The following CDK5RAP2 variants were observed in gnomAD, a reference collection of about 807,000 sequenced individuals.
CDK5RAP2 encodes the protein CDK5 regulatory subunit associated protein 2.
CDK5RAP2 carries 147 observed loss-of-function variants against 232.9 expected under a neutral mutation model. The ratio of observed to expected loss-of-function variants is 0.63; its 90% confidence interval spans 0.55 to 0.72. CDK5RAP2 has a LOEUF of 0.72. Among genes scored for constraint, CDK5RAP2 ranks in the 30% least tolerant of loss-of-function variants. CDK5RAP2 has a pLI of 0.00. For missense variants in CDK5RAP2, 2,195 were observed against 2,231.5 expected, an observed-to-expected ratio of 0.98 and a Z score of 0.33; for synonymous variants, 833 against 833.7, an observed-to-expected ratio of 1.00 and a Z score of 0.01.
intron 24 of CDK5RAP2, among the ~76,000 whole-genome samples, chr9:120,438,098 G>A (rs1314967526): frequency 1.3e-5 from 2 of 152,242 alleles, no homozygotes; most frequent in South Asian, 2.1e-4. Context: ...TAAACTGACT[G>A]CAAAGCTAAT....
rs912780527 is a variant in CDK5RAP2 at position 120,402,801 on chromosome 9, G to T, written c.5307+5C>A. 6.2e-6 allele frequency: 10 copies of T among 1,613,862 alleles called. No individual in the cohort carries two copies. Among genetic ancestry groups the T allele is most frequent in the Non-Finnish European group, 8.5e-6 (10 of 1,180,016 alleles). Reference sequence around the variant, plus strand: ...TTGTGCCCCCCAGCTCTGTGGTCAGGTTACCTTTGTTCCCAGCTCTTGACT... The same window carrying T: ...TTGTGCCCCCCAGCTCTGTGGTCAGTTTACCTTTGTTCCCAGCTCTTGACT... On this transcript the variant is annotated splice_donor_5th_base_variant and intron_variant, in intron 34 of 37. Coordinates refer to ENST00000349780, the MANE Select transcript of CDK5RAP2 (RefSeq NM_018249.6).
intron 12 of CDK5RAP2, among the ~76,000 whole-genome samples, chr9:120,515,438 G>C (rs528666370): frequency 5.3e-5 from 8 of 152,242 alleles, no homozygotes; most frequent in African/African-American, 1.7e-4. Flanking sequence ...ATTTTGTCTT[G>C]TATAACATTT....
At chr9:120,549,927 T>A (rs1026608937) in intron 4 of CDK5RAP2, among the ~76,000 whole-genome samples, 1 of 152,214 alleles carries the variant, frequency 6.6e-6, no homozygotes, top group African/African-American at 2.4e-5. Flanking sequence ...ACAATCCCTC[T>A]TCAAGACAAG....
chr9:120,409,145 C>T lies in CDK5RAP2; in HGVS notation c.4586G>A (p.Ser1529Asn). Reference sequence around the variant, plus strand: ...CCACTACCTGCTCAGCTCCTGGCCGCTGCAGCGGACCTCCTGGATCAGCTG... The same window carrying T: ...CCACTACCTGCTCAGCTCCTGGCCGTTGCAGCGGACCTCCTGGATCAGCTG... ...NQQLIQEVRCSGQELSRVQEE... is the reference protein window; with the variant it reads ...NQQLIQEVRCNGQELSRVQEE... The change falls in exon 30 of 38, where the codon AGC (serine) becomes AAC (asparagine). Residue 1529 changes from serine (S) to asparagine (N), a missense_variant. Physicochemically the swap from Ser to Asn is conservative, Grantham distance 46. Transcript: ENST00000349780. 1 of 1,612,292 alleles carries T rather than the reference C, an allele frequency of 6.2e-7. No individual in the cohort carries two copies. The highest frequency in any genetic ancestry group is 8.5e-7 in the Non-Finnish European group (1 of 1,180,012).
In CDK5RAP2 at chr9:120,545,695, A is replaced by C. The variant is rs2041812975; in HGVS notation, c.383+19T>G. 6.2e-7 allele frequency: 1 copy of C among 1,603,790 alleles called. No homozygotes were observed. Among genetic ancestry groups the C allele is most frequent in the Admixed American group, 1.7e-5 (1 of 59,990 alleles). The stretch of plus-strand genomic sequence containing the variant: ...CAGTGTGGGCGACTTGCAAGCTTTC[A>C]ACGGATGATGGTACTCACGAGGCTT... On this transcript the variant is annotated intron_variant, in intron 5 of 37. Transcript: ENST00000349780.
At chr9:120,484,447 T>G (rs112495815) in intron 14 of CDK5RAP2, among the ~76,000 whole-genome samples, 1 of 152,120 alleles carries the variant, frequency 6.6e-6, no homozygotes, top group Non-Finnish European at 1.5e-5. Flanking sequence ...CTCAGCCAGG[T>G]GCAGTGGCTC....
chr9:120,465,082 G>A (rs1346044473), intron 18 of CDK5RAP2, among the ~76,000 whole-genome samples: 4 of 151,942 alleles, frequency 2.6e-5, no homozygotes, highest in South Asian at 2.1e-4. Flanking sequence ...TCCTCTCTAC[G>A]TCAAAAAAAA....
intron 26 of CDK5RAP2, among the ~76,000 whole-genome samples, chr9:120,420,546 C>A (rs2034504668): frequency 6.6e-6 from 1 of 151,916 alleles, no homozygotes; most frequent in Non-Finnish European, 1.5e-5. Flanking sequence ...TTCTAGCAAT[C>A]ATCTGGTTAT....
intron 19 of CDK5RAP2, among the ~76,000 whole-genome samples, chr9:120,459,034 C>G (rs765535020): frequency 6.6e-6 from 1 of 152,218 alleles, no homozygotes; most frequent in Non-Finnish European, 1.5e-5. Context: ...CTTGAAAGTT[C>G]TTCCTAAGAA....
chr9:120,391,856 G>C (rs2032015021), intron 36 of CDK5RAP2, among the ~76,000 whole-genome samples: 1 of 152,170 alleles, frequency 6.6e-6, no homozygotes, highest in Admixed American at 6.5e-5. Context: ...CGCAGGGCTT[G>C]GAGAATTTCC....
At chr9:120,484,163 T>C (rs2038469965) in intron 14 of CDK5RAP2, among the ~76,000 whole-genome samples, 1 of 152,184 alleles carries the variant, frequency 6.6e-6, no homozygotes, top group African/African-American at 2.4e-5. Context: ...GGAGACATGA[T>C]CATAGCCTCA....
intron 25 of CDK5RAP2, among the ~76,000 whole-genome samples, chr9:120,427,040 A>C (rs766879711): frequency 3.3e-5 from 5 of 152,180 alleles, no homozygotes; most frequent in Non-Finnish European, 7.3e-5. Context: ...CCCCTCACCT[A>C]GCTGTAGGAT....
rs557130149 is a variant in CDK5RAP2, at chr9:120,480,923, C to G, written c.1627-3473G>C. On this transcript the variant is annotated intron_variant, in intron 14 of 37. Coordinates refer to ENST00000349780, the MANE Select transcript of CDK5RAP2 (RefSeq NM_018249.6). The stretch of plus-strand genomic sequence containing the variant: ...CACTGGCACAAGGAGTTCCCAAATG[C>G]CTTTTGTACACAACAACAGTATCAT... Among the ~76,000 whole-genome samples the G allele has an allele frequency of 1.4e-3, 211 of 152,270 alleles. 1 individual carries two copies. The highest frequency in any genetic ancestry group is 5.0e-3 in the African/African-American group (207 of 41,564).
At chr9:120,445,679 T>A (rs2036147751) in intron 22 of CDK5RAP2, among the ~76,000 whole-genome samples, 1 of 152,208 alleles carries the variant, frequency 6.6e-6, no homozygotes, top group African/African-American at 2.4e-5. Flanking sequence ...CTTGGATCCC[T>A]CCTACCTCAC....
chr9:120,420,994 A>C (rs1424744915), intron 26 of CDK5RAP2, among the ~76,000 whole-genome samples: 1 of 152,202 alleles, frequency 6.6e-6, no homozygotes, highest in Non-Finnish European at 1.5e-5. Flanking sequence ...TCCATCCCTC[A>C]CTCCAACTCC....
chr9:120,551,727 A>G (rs2042048285), intron 3 of CDK5RAP2, among the ~76,000 whole-genome samples: 2 of 152,230 alleles, frequency 1.3e-5, no homozygotes, highest in Admixed American at 1.3e-4. Flanking sequence ...TACTAAGTAC[A>G]ATAGAATCTT....
At chr9:120,471,960 T>C (rs2131533367) in intron 15 of CDK5RAP2, 82 bp from the exon 16 acceptor site, 2 of 1,560,632 alleles carry the variant, frequency 1.3e-6, no homozygotes, top group Non-Finnish European at 1.8e-6. Context: ...CTTCCTGTGA[T>C]TTTTATGTCA....
At chr9:120,544,307 T>C (rs1469798138) in intron 5 of CDK5RAP2, among the ~76,000 whole-genome samples, 1 of 152,148 alleles carries the variant, frequency 6.6e-6, no homozygotes, top group Non-Finnish European at 1.5e-5. Context: ...ATAGACCAAA[T>C]TCCATTACTG....
At position 120,552,387 on chromosome 9, in the gene CDK5RAP2, C is replaced by T. The variant is rs527571175; in HGVS notation, c.196-1485G>A. On this transcript the variant is annotated intron_variant, in intron 3 of 37. Coordinates refer to ENST00000349780, the MANE Select transcript of CDK5RAP2 (RefSeq NM_018249.6). ...TAAATCATGCTGCTATAAAGACACA[C>T]GCACACGTATGTTCACTGCAGCACT... Among the ~76,000 whole-genome samples the T allele has an allele frequency of 1.1e-3, 168 of 152,196 alleles. 1 individual carries two copies. The highest frequency in any genetic ancestry group is 4.8e-3 in the South Asian group (23 of 4,816).
Sources: gnomAD v4.1 joint callset for allele counts (sites outside exome capture counted in the v4.1 genomes callset) on GRCh38, gnomAD v4.1.1 for gene constraint, MANE v1.5 for transcripts, NCBI Gene and HGNC (gene_info 2026-07-23, HGNC 2026-07-21) for gene names.